ITGB5: variants seen among roughly 807,000 people sequenced by gnomAD.
The protein encoded by ITGB5 is integrin subunit beta 5, also known as integrin beta-5.
A neutral mutation model predicts 84.8 loss-of-function variants in ITGB5; 38 were observed. The ratio of observed to expected loss-of-function variants is 0.45; its 90% CI spans 0.35 to 0.59. ITGB5 has a LOEUF of 0.59. ITGB5 is among the 20% of genes least tolerant of loss of function. The probability of loss-of-function intolerance (pLI) is 0.01; values close to 1 mark genes in which losing one functional copy is unlikely to be tolerated. For missense variants in ITGB5, 905 were observed against 1,034.5 expected (o/e 0.87, Z 1.72); for synonymous variants, 393 against 414.4 (o/e 0.95, Z 0.63).
intron 1 of ITGB5, among the ~76,000 whole-genome samples, chr3:124,897,635 T>C (rs1935129969): frequency 6.6e-6 from 1 of 152,182 alleles, no homozygotes; most frequent in Admixed American, 6.5e-5. Flanking sequence ...CTAGGCAACA[T>C]AGCAAGACCC....
intron 5 of ITGB5, among the ~76,000 whole-genome samples, chr3:124,839,257 G>A (rs912432776): frequency 5.3e-5 from 8 of 152,170 alleles, no homozygotes; most frequent in African/African-American, 7.2e-5. Context: ...GTGCCTCTCC[G>A]TCAACAATAA....
chr3:124,812,384 G>A (rs75017107), intron 8 of ITGB5, among the ~76,000 whole-genome samples: 3,784 of 152,230 alleles, frequency 0.025, 182 homozygotes, highest in African/African-American at 0.086. Context: ...GCTTTAAGTC[G>A]GGCCAGCTGT....
At chr3:124,822,910 A>G (rs1041286279) in intron 5 of ITGB5, among the ~76,000 whole-genome samples, 3 of 152,168 alleles carry the variant, frequency 2.0e-5, no homozygotes, top group Non-Finnish European at 4.4e-5. Flanking sequence ...GAGGAGGGAG[A>G]GGCTTCCCAG....
chr3:124,876,252 T>C (rs1934306754), intron 1 of ITGB5, among the ~76,000 whole-genome samples: 1 of 152,004 alleles, frequency 6.6e-6, no homozygotes. Flanking sequence ...AAACATCATA[T>C]CATATACTGT....
chr3:124,867,054 C>T (rs576125032), intron 2 of ITGB5, among the ~76,000 whole-genome samples: 2 of 152,148 alleles, frequency 1.3e-5, no homozygotes, highest in Non-Finnish European at 2.9e-5. Flanking sequence ...CCCAGCCTCT[C>T]ACCTGTCTCC....
Position 124,762,953 on chromosome 3 carries a change from G to C in ITGB5, c.*670C>G, listed in dbSNP as rs1015010380. On this transcript the variant is annotated 3_prime_UTR_variant, in exon 15 of 15. Coordinates refer to ENST00000296181, the MANE Select transcript of ITGB5 (RefSeq NM_002213.5). ...AGAAAGAAACACACAGAGAGTATCA[G>C]ACAAACACAAATTCTTTTGGTTTTA... is the stretch of plus-strand genomic sequence containing the variant. 2 of 152,246 alleles carry C rather than the reference G, an allele frequency of 1.3e-5. No individual in the cohort carries two copies. The highest frequency in any genetic ancestry group is 2.9e-5 in the Non-Finnish European group (2 of 68,076). The allele number at this position is 152,246 out of a possible 1,614,324, so 9.4% of individuals were successfully genotyped here.
At chr3:124,865,291 G>A (rs780083213) in intron 2 of ITGB5, among the ~76,000 whole-genome samples, 1 of 152,018 alleles carries the variant, frequency 6.6e-6, no homozygotes, top group Non-Finnish European at 1.5e-5. Flanking sequence ...ACCCAAGCAA[G>A]AAGGATGGGC....
At chr3:124,844,958 C>T (rs1579285828) in intron 4 of ITGB5, among the ~76,000 whole-genome samples, 3 of 152,296 alleles carry the variant, frequency 2.0e-5, no homozygotes, top group Admixed American at 2.0e-4. Flanking sequence ...AGATTCTCGA[C>T]AACGGCAAAC....
intron 1 of ITGB5, among the ~76,000 whole-genome samples, chr3:124,880,729 A>T (rs1277944021): frequency 6.6e-6 from 1 of 152,220 alleles, no homozygotes; most frequent in East Asian, 1.9e-4. Context: ...GGAGTTCAAG[A>T]CCAACCTGGC....
At chr3:124,891,283 A>G (rs553610601), upstream of ITGB5, among the ~76,000 whole-genome samples, 4 of 152,346 alleles carry the variant, frequency 2.6e-5, no homozygotes, top group African/African-American at 9.6e-5. Flanking sequence ...TCATAGCAGC[A>G]TTATTCACAA....
At chr3:124,841,628 A>G in intron 4 of ITGB5, 77 bp from the exon 5 acceptor site, 4 of 1,464,596 alleles carry the variant, frequency 2.7e-6, no homozygotes. Context: ...GCATTCACTG[A>G]GTGCCTTGAG....
intron 9 of ITGB5, among the ~76,000 whole-genome samples, chr3:124,802,856 C>A (rs982428295): frequency 6.6e-6 from 1 of 152,164 alleles, no homozygotes; most frequent in African/African-American, 2.4e-5. Flanking sequence ...AAACAAAAAC[C>A]CCACAGCCCT....
At chr3:124,898,410 G>A (rs1045517147) in intron 1 of ITGB5, among the ~76,000 whole-genome samples, 51 of 151,636 alleles carry the variant, frequency 3.4e-4, no homozygotes, top group South Asian at 1.9e-3. Flanking sequence ...TTGGGAGGCC[G>A]AGGCAGGCGG....
In ITGB5 at chr3:124,762,295, A is replaced by C. The variant is rs908414540; in HGVS notation, c.*1328T>G. The stretch of plus-strand genomic sequence containing the variant: ...TCCAGTGACAAAAAATGATCAGTGA[A>C]AGATTTTCTAAGAGCAAGCAGGAAT... On this transcript the variant is annotated 3_prime_UTR_variant, in exon 15 of 15. Transcript: ENST00000296181. 6.6e-6 allele frequency: 1 copy of C among 152,218 alleles called. No homozygotes were observed. The highest frequency in any genetic ancestry group is 1.5e-5 in the Non-Finnish European group (1 of 68,038). The allele number at this position is 152,218 out of a possible 1,614,324, so 9.4% of individuals were successfully genotyped here.
At position 124,762,638 on chromosome 3, in the gene ITGB5, A is replaced by T. The variant is rs1053084608; in HGVS notation, c.*985T>A. 1 of 152,180 alleles carries T rather than the reference A, an allele frequency of 6.6e-6. No individual in the cohort carries two copies. The highest frequency in any genetic ancestry group is 6.5e-5 in the Admixed American group (1 of 15,278). 9.4% of individuals were successfully genotyped at this position (152,180 alleles called of 1,614,324 possible). On this transcript the variant is annotated 3_prime_UTR_variant, in exon 15 of 15. Coordinates refer to ENST00000296181, the MANE Select transcript of ITGB5 (RefSeq NM_002213.5). ...GATTAAGAGATGACTTCGTGTGGGAACCACCACTCAACCCTTGCTTGTCTG... is the reference window on the plus strand; with the variant it reads ...GATTAAGAGATGACTTCGTGTGGGATCCACCACTCAACCCTTGCTTGTCTG...
chr3:124,897,607 C>T (rs1297437843), intron 1 of ITGB5, among the ~76,000 whole-genome samples: 4 of 152,098 alleles, frequency 2.6e-5, no homozygotes, highest in African/African-American at 9.7e-5. Flanking sequence ...GGCTTGAGCT[C>T]AGGGATTCAA....
intron 1 of ITGB5, among the ~76,000 whole-genome samples, chr3:124,881,946 C>T (rs142928714): frequency 0.013 from 2,014 of 152,140 alleles, 58 homozygotes; most frequent in African/African-American, 0.043. Context: ...CCAGCCTGGG[C>T]AACAGAGTGA....
intron 2 of ITGB5, among the ~76,000 whole-genome samples, chr3:124,866,176 T>A (rs750984682): frequency 7.9e-5 from 12 of 151,894 alleles, no homozygotes; most frequent in Non-Finnish European, 7.4e-5. Flanking sequence ...AGAGATGGGG[T>A]TTCACCATGT....
intron 8 of ITGB5, among the ~76,000 whole-genome samples, chr3:124,811,560 CAAGCCGCCACTCGA>C (rs1344269696): frequency 3.3e-5 from 5 of 152,054 alleles, no homozygotes; most frequent in Non-Finnish European, 7.3e-5. Flanking sequence ...AAGATCTGCC[CAAGCCGCCACTCGA>C]AAGCCCCAAG....
Sources: gnomAD v4.1 joint callset for allele counts (sites outside exome capture counted in the v4.1 genomes callset) on GRCh38, gnomAD v4.1.1 for gene constraint, MANE v1.5 for transcripts, NCBI Gene and HGNC (gene_info 2026-07-23, HGNC 2026-07-21) for gene names.